Variants in DMD observed in about 807,000 individuals in gnomAD.
DMD encodes the protein dystrophin.
Under a neutral mutation model 330.1 loss-of-function variants are expected in DMD, and 63 were observed. The ratio of observed to expected loss-of-function variants is 0.19; its 90% CI spans 0.16 to 0.24. The LOEUF is 0.24. Among genes scored for constraint, DMD ranks in the 10% least tolerant of loss-of-function variants. DMD has a pLI of 1.00. For missense variants in DMD, 3,344 were observed against 2,684.1 expected, an observed-to-expected ratio of 1.25 and a Z score of -5.43; for synonymous variants, 1,223 against 959.8, an observed-to-expected ratio of 1.27 and a Z score of -5.07.
intron 23 of DMD, 64 bp downstream of exon 23, chrX:32,468,434 A>G: frequency 1.0e-6 from 1 of 962,954 alleles, no homozygotes; most frequent in Non-Finnish European, 1.5e-6. Context: ...TACAGTTTAC[A>G]GTGTATCGTT....
rs141483998 is a variant in DMD, at chrX:32,607,147, T to A, written c.1482+7156A>T. On this transcript the variant is annotated intron_variant, in intron 12 of 78. Transcript: ENST00000357033. ...CACCCCCTCAATCTATTTTAAAACT[T>A]CTTCTAAGACATGCTTATTACTAGA... is the stretch of plus-strand genomic sequence containing the variant. Among the ~76,000 whole-genome samples the A allele has an allele frequency of 7.3e-3, 806 of 110,281 alleles. 7 individuals are homozygous for A. Among genetic ancestry groups the A allele is most frequent in the African/African-American group, 0.025 (777 of 30,588 alleles).
chrX:32,623,549 A>G (rs1248858061), intron 11 of DMD, among the ~76,000 whole-genome samples: 5 of 101,066 alleles, frequency 4.9e-5, no homozygotes, highest in Non-Finnish European at 8.0e-5. Flanking sequence ...TTTTTTTGAG[A>G]CAGGGTCTCA....
chrX:31,171,994 A>C, intron 73 of DMD, among the ~76,000 whole-genome samples: 1 of 112,012 alleles, frequency 8.9e-6, no homozygotes, highest in Non-Finnish European at 1.9e-5. Flanking sequence ...GTACTTAGCC[A>C]TGACTTTAAA....
intron 55 of DMD, among the ~76,000 whole-genome samples, chrX:31,519,255 T>G (rs1336982941): frequency 8.9e-6 from 1 of 112,176 alleles, no homozygotes; most frequent in African/African-American, 3.2e-5. Context: ...AAGCTCTTAT[T>G]TCTGGAATCT....
At position 32,644,124 on chromosome X, in the gene DMD, G is replaced by T; in HGVS notation, c.1331+8C>A. 8.4e-7 allele frequency: 1 copy of T among 1,195,369 alleles called. No individual in the cohort carries two copies. Among genetic ancestry groups the T allele is most frequent in the Non-Finnish European group, 1.1e-6 (1 of 883,424 alleles). ...AGTCTTCTTAATTAAAAACAAATAA[G>T]GACTTACTTGCTTTGTTTTTCCATG... On this transcript the variant is annotated splice_region_variant and intron_variant, in intron 11 of 78. Transcript: ENST00000357033.
chrX:31,721,171 C>A (rs1032446503), intron 52 of DMD, among the ~76,000 whole-genome samples: 3 of 110,852 alleles, frequency 2.7e-5, no homozygotes, highest in Non-Finnish European at 5.7e-5. Flanking sequence ...ATAAAAGAAC[C>A]ACGAGATTTA....
chrX:31,217,458 T>C (rs1009206899), intron 64 of DMD, among the ~76,000 whole-genome samples: 38 of 111,934 alleles, frequency 3.4e-4, no homozygotes, highest in African/African-American at 1.1e-3. Context: ...AAGTGCTTAA[T>C]AGAGGTGGAA....
chrX:31,858,571 T>C (rs2093652668), intron 48 of DMD, among the ~76,000 whole-genome samples: 1 of 88,483 alleles, frequency 1.1e-5, no homozygotes, highest in African/African-American at 4.5e-5. Context: ...CTTCTCCTAA[T>C]GCTAAAACTT....
chrX:32,992,630 A>C (rs958907087), intron 2 of DMD, among the ~76,000 whole-genome samples: 1 of 111,446 alleles, frequency 9.0e-6, no homozygotes, highest in Admixed American at 9.6e-5. Context: ...CTTTAAGAAC[A>C]GACTGTTGGC....
At chrX:32,261,910 GTAAATTA>G (rs1484864057) in intron 43 of DMD, among the ~76,000 whole-genome samples, 1 of 85,643 alleles carries the variant, frequency 1.2e-5, no homozygotes, top group Admixed American at 1.2e-4. Context: ...TTAAACTGTT[GTAAATTA>G]TAATATTAAA....
chrX:31,861,308 C>T (rs2093693141), intron 48 of DMD, among the ~76,000 whole-genome samples: 1 of 110,641 alleles, frequency 9.0e-6, no homozygotes, highest in Non-Finnish European at 1.9e-5. Context: ...TGAGTGGGCA[C>T]GGGTATGGGG....
At chrX:32,780,151 G>T (rs1267437697) in intron 7 of DMD, among the ~76,000 whole-genome samples, 2 of 111,419 alleles carry the variant, frequency 1.8e-5, no homozygotes, top group East Asian at 5.7e-4. Context: ...TATGCCTTAT[G>T]TTTCTAATTG....
chrX:32,071,137 G>A lies in DMD; in HGVS notation c.6439-102623C>T, dbSNP rs772685103. On this transcript the variant is annotated intron_variant, in intron 44 of 78. Coordinates refer to ENST00000357033, the MANE Select transcript of DMD (RefSeq NM_004006.3). ...CCGCAATAAACATACATGTGCATGT[G>A]TCTTTACAGCAGCATGATTTATAAT... 2.2e-4 allele frequency among the ~76,000 whole-genome samples: 24 copies of A among 111,098 alleles called. No homozygotes were observed. The East Asian group carries it at 5.8e-3, about 27-fold the overall frequency.
intron 2 of DMD, among the ~76,000 whole-genome samples, chrX:32,940,421 G>GCAAAAA (rs939211172): frequency 1.8e-5 from 2 of 110,687 alleles, no homozygotes; most frequent in Non-Finnish European, 3.8e-5. Context: ...TTAAATAAGA[G>GCAAAAA]CAAAAACAAA....
At chrX:31,399,165 A>C (rs780362473) in intron 60 of DMD, among the ~76,000 whole-genome samples, 3 of 110,584 alleles carry the variant, frequency 2.7e-5, no homozygotes, top group Non-Finnish European at 5.7e-5. Context: ...ATGAGGTCAC[A>C]TGAACAAATT....
chrX:32,390,029 C>T (rs1441002663), intron 31 of DMD, 42 bp downstream of exon 31: 1 of 1,047,377 alleles, frequency 9.5e-7, no homozygotes, highest in South Asian at 1.9e-5. Context: ...GAGTATAATG[C>T]CCAACGAAAA....
At chrX:32,282,738 C>T (rs761131656) in intron 43 of DMD, among the ~76,000 whole-genome samples, 44 of 111,909 alleles carry the variant, frequency 3.9e-4, no homozygotes, top group Non-Finnish European at 6.8e-4. Flanking sequence ...GATGACTGAA[C>T]GAGAAATACG....
chrX:32,249,690 C>T (rs1027626342), intron 43 of DMD, among the ~76,000 whole-genome samples: 1 of 111,948 alleles, frequency 8.9e-6, no homozygotes, highest in Non-Finnish European at 1.9e-5. Context: ...TCACTTATCC[C>T]TGGAAAAGCT....
At chrX:32,626,553 T>C in intron 11 of DMD, among the ~76,000 whole-genome samples, 1 of 105,588 alleles carries the variant, frequency 9.5e-6, no homozygotes, top group East Asian at 2.8e-4. Flanking sequence ...TGGTTTTAGC[T>C]TAACAATTCT....
Sources: allele counts gnomAD v4.1 joint callset (sites outside exome capture counted in the v4.1 genomes callset), GRCh38; gene constraint gnomAD v4.1.1; transcripts MANE v1.5; gene names NCBI Gene and HGNC (gene_info 2026-07-23, HGNC 2026-07-21).